NCKAP5: variants seen among roughly 807,000 people sequenced by gnomAD.
NCKAP5 encodes the protein NCK associated protein 5.
In NCKAP5, 92 loss-of-function variants were observed where a neutral mutation model predicts 167.0. The observed-to-expected ratio is 0.55, with a 90% CI of 0.47 to 0.66. NCKAP5 has a LOEUF of 0.66. NCKAP5 is among the 30% of genes least tolerant of loss of function. The pLI, the probability that NCKAP5 is intolerant of heterozygous loss-of-function variation, is 0.00. For synonymous variants in NCKAP5, 891 were observed against 877.4 expected (o/e 1.02, Z -0.27); for missense variants, 2,378 against 2,315.0 (o/e 1.03, Z -0.56).
intron 11 of NCKAP5, among the ~76,000 whole-genome samples, chr2:132,854,221 T>G (rs1177649261): frequency 2.6e-5 from 4 of 152,214 alleles, no homozygotes; most frequent in Non-Finnish European, 5.9e-5. Flanking sequence ...ATGCTGACTA[T>G]AAGCTGATGG....
chr2:133,517,419 CA>C lies in NCKAP5; in HGVS notation c.69+38del, dbSNP rs1237590240. The C allele has an allele frequency of 9.7e-6, 12 of 1,232,146 alleles. No individual in the cohort carries two copies. In the African/African-American group the frequency reaches 1.2e-4, roughly 13 times the overall value. The allele number at this position is 1,232,146 out of a possible 1,614,324, so 76.3% of individuals were successfully genotyped here. A position where few individuals can be genotyped will look rare whatever the true frequency, so the allele number is the denominator to read the frequency against. On this transcript the variant is annotated intron_variant, in intron 3 of 19. Transcript: ENST00000409261. Reference sequence around the variant, plus strand: ...AGTCAAAGAATAATGCATTCAAAGCCAAAACATATAGAGTGGTAAATGAATA... The same window carrying C: ...AGTCAAAGAATAATGCATTCAAAGCCAAACATATAGAGTGGTAAATGAATA...
At chr2:133,505,982 C>T (rs1405957354) in intron 3 of NCKAP5, among the ~76,000 whole-genome samples, 4 of 152,182 alleles carry the variant, frequency 2.6e-5, no homozygotes, top group African/African-American at 9.7e-5. Flanking sequence ...ATCATAGTGT[C>T]CCACCATTGA....
chr2:133,304,795 C>T (rs925359447), intron 3 of NCKAP5, among the ~76,000 whole-genome samples: 2 of 152,224 alleles, frequency 1.3e-5, no homozygotes, highest in African/African-American at 2.4e-5. Flanking sequence ...GGGAAAGCCA[C>T]TGCCCTCAAG....
At chr2:132,876,930 G>T (rs1691329003) in intron 9 of NCKAP5, among the ~76,000 whole-genome samples, 1 of 152,212 alleles carries the variant, frequency 6.6e-6, no homozygotes, top group Non-Finnish European at 1.5e-5. Flanking sequence ...GACAGGGAGG[G>T]TTGACCTACG....
chr2:133,120,671 C>T (rs1389432306), intron 6 of NCKAP5, among the ~76,000 whole-genome samples: 3 of 152,136 alleles, frequency 2.0e-5, no homozygotes, highest in Non-Finnish European at 2.9e-5. Context: ...CTGAAAGAGG[C>T]AACTCATCTT....
chr2:133,432,834 A>G (rs1690242333), intron 3 of NCKAP5, among the ~76,000 whole-genome samples: 2 of 152,202 alleles, frequency 1.3e-5, no homozygotes, highest in Admixed American at 1.3e-4. Flanking sequence ...ACAATATCCT[A>G]TGAAATGGGG....
Position 133,159,738 on chromosome 2 carries a change from GA to G in NCKAP5, c.208-29628del, listed in dbSNP as rs553781028. ...TTAAATTGATTGAATAAAGATGTTAGATTTTTTTAAGCAAGCATTTCAAAAA... is the reference window on the plus strand; with the variant it reads ...TTAAATTGATTGAATAAAGATGTTAGTTTTTTTAAGCAAGCATTTCAAAAA... On this transcript the variant is annotated intron_variant, in intron 5 of 19. Transcript: ENST00000409261. Among the ~76,000 whole-genome samples, 13 of 152,328 alleles carry G rather than the reference GA, an allele frequency of 8.5e-5. 1 individual carries two copies. The South Asian group carries it at 2.7e-3, about 32-fold the overall frequency.
intron 6 of NCKAP5, among the ~76,000 whole-genome samples, chr2:133,077,900 T>G (rs992467022): frequency 6.6e-6 from 1 of 152,186 alleles, no homozygotes; most frequent in Non-Finnish European, 1.5e-5. Context: ...GGAAGGTCCT[T>G]TTCCATCTCA....
intron 10 of NCKAP5, among the ~76,000 whole-genome samples, chr2:132,863,364 A>G (rs988943155): frequency 6.6e-6 from 1 of 152,018 alleles, no homozygotes; most frequent in Non-Finnish European, 1.5e-5. Flanking sequence ...GTGGATATGC[A>G]AGTAAAAGGG....
intron 15 of NCKAP5, 89 bp from the exon 16 acceptor site, chr2:132,773,983 C>A: frequency 3.7e-6 from 4 of 1,073,368 alleles, no homozygotes; most frequent in Non-Finnish European, 5.6e-6. Context: ...CATTCTATAA[C>A]AAATATGTGG....
At chr2:132,921,633 G>A (rs772212342) in intron 8 of NCKAP5, among the ~76,000 whole-genome samples, 3 of 152,152 alleles carry the variant, frequency 2.0e-5, no homozygotes, top group Admixed American at 6.6e-5. Context: ...CAATCATCCC[G>A]CCTTTGAAGG....
intron 6 of NCKAP5, among the ~76,000 whole-genome samples, chr2:133,099,721 T>G (rs931779976): frequency 2.6e-5 from 4 of 152,216 alleles, no homozygotes; most frequent in African/African-American, 7.2e-5. Context: ...CACACTCCCC[T>G]ATTGAAAAAT....
intron 16 of NCKAP5, among the ~76,000 whole-genome samples, chr2:132,749,403 CAT>C (rs887506468): frequency 2.8e-4 from 42 of 152,054 alleles, no homozygotes; most frequent in Non-Finnish European, 5.4e-4. Context: ...AGGATTTTGT[CAT>C]ATTGCCCAGG....
intron 16 of NCKAP5, among the ~76,000 whole-genome samples, chr2:132,771,653 T>C (rs779405433): frequency 1.9e-4 from 29 of 151,224 alleles, no homozygotes; most frequent in Non-Finnish European, 2.8e-4. Flanking sequence ...TACAGGTATA[T>C]TGTTGTTTAT....
At chr2:133,221,115 A>G (rs903861641) in intron 4 of NCKAP5, among the ~76,000 whole-genome samples, 7 of 151,354 alleles carry the variant, frequency 4.6e-5, no homozygotes, top group African/African-American at 1.7e-4. Flanking sequence ...GAGTTGATGA[A>G]CATGCAGGAT....
chr2:133,547,082 C>G (rs552065730), intron 2 of NCKAP5, among the ~76,000 whole-genome samples: 142 of 152,298 alleles, frequency 9.3e-4, no homozygotes, highest in South Asian at 2.1e-3. Flanking sequence ...CAAGGGGTCA[C>G]GGAGTTCCCT....
intron 3 of NCKAP5, among the ~76,000 whole-genome samples, chr2:133,309,441 A>G (rs1681074702): frequency 2.0e-5 from 3 of 152,212 alleles, no homozygotes. Flanking sequence ...GTGTTCTGAT[A>G]AAAGCATTTC....
chr2:133,529,172 G>A lies in NCKAP5; in HGVS notation c.-61-11585C>T, dbSNP rs563791109. On this transcript the variant is annotated intron_variant, in intron 2 of 19. Transcript: ENST00000409261. ...TTGTAAAAAACATACCATATTAAATGCATTTATTTTCTTTGTAAAAGATAT... is the reference window on the plus strand; with the variant it reads ...TTGTAAAAAACATACCATATTAAATACATTTATTTTCTTTGTAAAAGATAT... 6.1e-4 allele frequency among the ~76,000 whole-genome samples: 93 copies of A among 151,952 alleles called. No individual in the cohort carries two copies. In the South Asian group the frequency reaches 6.5e-3, roughly 11 times the overall value.
At chr2:133,250,377 C>T (rs1165664389) in intron 4 of NCKAP5, among the ~76,000 whole-genome samples, 1 of 152,118 alleles carries the variant, frequency 6.6e-6, no homozygotes, top group Non-Finnish European at 1.5e-5. Flanking sequence ...CTGCCTCACC[C>T]TGGACACCCA....
Sources: allele counts gnomAD v4.1 joint callset (sites outside exome capture counted in the v4.1 genomes callset), GRCh38; gene constraint gnomAD v4.1.1; transcripts MANE v1.5; gene names NCBI Gene and HGNC (gene_info 2026-07-23, HGNC 2026-07-21).